Variants in CCDC6 observed in about 807,000 individuals in gnomAD.
CCDC6 encodes coiled-coil domain containing 6.
CCDC6 carries 20 observed loss-of-function variants against 56.6 expected under a neutral mutation model. The observed-to-expected ratio is 0.35, with a 90% confidence interval of 0.25 to 0.51. The LOEUF (loss-of-function observed/expected upper bound fraction) is 0.51, where lower values mean the gene tolerates loss of function less well. Among genes scored for constraint, CCDC6 ranks in the 20% least tolerant of loss-of-function variants. The pLI is 0.95. For synonymous variants in CCDC6, 241 were observed against 234.4 expected, an observed-to-expected ratio of 1.03 and a Z score of -0.26; for missense variants, 367 against 601.1, an observed-to-expected ratio of 0.61 and a Z score of 4.07.
At position 59,889,251 on chromosome 10, in the gene CCDC6, A is replaced by G. The variant is rs148897529; in HGVS notation, c.303+16871T>C. 3.0e-4 allele frequency among the ~76,000 whole-genome samples: 46 copies of G among 152,260 alleles called. 1 individual carries two copies. Among genetic ancestry groups the G allele is most frequent in the East Asian group, 2.5e-3 (13 of 5,182 alleles). ...AAATGTGCATCAGCCATAAATGACA[A>G]ATGACAACAGGGACACGTGAGAAAG... On this transcript the variant is annotated intron_variant, in intron 1 of 8. Transcript: ENST00000263102.
chr10:59,836,052 T>TTAAAAAAA (rs777308614), intron 2 of CCDC6, among the ~76,000 whole-genome samples: 1 of 57,596 alleles, frequency 1.7e-5, no homozygotes, highest in African/African-American at 6.6e-5. Context: ...CGACCCTGTC[T>TTAAAAAAA]AAAAAAAAAA....
intron 7 of CCDC6, among the ~76,000 whole-genome samples, chr10:59,797,683 T>TTGTGTGTGTGTGTGTGTGTGTGTG (rs72280811): frequency 9.4e-4 from 132 of 140,608 alleles, no homozygotes; most frequent in African/African-American, 3.0e-3. Context: ...AGTGAGAGTG[T>TTGTGTGTGTGTGTGTGTGTGTGTG]TGTGTGTGTG....
At chr10:59,875,477 G>A (rs2071270915) in intron 1 of CCDC6, among the ~76,000 whole-genome samples, 1 of 152,156 alleles carries the variant, frequency 6.6e-6, no homozygotes, top group South Asian at 2.1e-4. Context: ...GTCCAGGTGA[G>A]CTTCAAGGAC....
At chr10:59,824,303 C>CA (rs1413183098) in intron 3 of CCDC6, among the ~76,000 whole-genome samples, 1 of 152,104 alleles carries the variant, frequency 6.6e-6, no homozygotes, top group Non-Finnish European at 1.5e-5. Flanking sequence ...CATCACATCC[C>CA]AAAAAATGGA....
rs752992147 is a variant in CCDC6, at chr10:59,794,531, G to C, written c.1172C>G (p.Ser391Cys). The C allele has an allele frequency of 6.2e-7, 1 of 1,613,990 alleles. No individual in the cohort carries two copies. Among genetic ancestry groups the C allele is most frequent in the South Asian group, 1.1e-5 (1 of 91,074 alleles). The change falls in exon 8 of 9, where the codon TCT becomes TGT. Residue 391 changes from serine to cysteine, a missense_variant. Transcript: ENST00000263102. ...GTGAAGACCCGGGGAATTGTAATAA[G>C]ACATTCCAGCTCTAGTCAGTGAAGT... The part of the protein sequence containing the change: ...PPTSLTRAGM[S>C]YYNSPGLHVQ...
chr10:59,858,174 C>T lies in CCDC6; in HGVS notation c.304-5472G>A, dbSNP rs149053334. On this transcript the variant is annotated intron_variant, in intron 1 of 8. Transcript: ENST00000263102. ...GACACAGAGGACAAGCCTGCATGTGCCTTTATTTTTTCTATTAGAAGAAGC... is the reference window on the plus strand; with the variant it reads ...GACACAGAGGACAAGCCTGCATGTGTCTTTATTTTTTCTATTAGAAGAAGC... 2.5e-4 allele frequency among the ~76,000 whole-genome samples: 38 copies of T among 152,256 alleles called. No individual in the cohort carries two copies. In the East Asian group the frequency reaches 5.0e-3, roughly 20 times the overall value.
chr10:59,835,675 A>C (rs961599312), intron 2 of CCDC6, among the ~76,000 whole-genome samples: 1 of 152,234 alleles, frequency 6.6e-6, no homozygotes, highest in Admixed American at 6.5e-5. Flanking sequence ...ACCTCAGGTG[A>C]CATGCAACAG....
intron 1 of CCDC6, among the ~76,000 whole-genome samples, chr10:59,861,432 C>CAAAAAAAAA (rs55716341): frequency 7.9e-5 from 7 of 88,918 alleles, no homozygotes; most frequent in Non-Finnish European, 1.3e-4. Flanking sequence ...CAAAAATTAC[C>CAAAAAAAAA]AAAAAAAAAA....
Position 59,874,118 on chromosome 10 carries a change from AACACACAC to A in CCDC6, c.304-21424_304-21417del, listed in dbSNP as rs55812153. Among the ~76,000 whole-genome samples the A allele has an allele frequency of 5.4e-5, 8 of 148,692 alleles. No homozygotes were observed. In the East Asian group the frequency reaches 1.2e-3, roughly 22 times the overall value. On this transcript the variant is annotated intron_variant, in intron 1 of 8. Transcript: ENST00000263102. Reference sequence around the variant, plus strand: ...CATTTCCTTACACATTTACCTAGCAAACACACACACACACACACACACACACGCACACA... The same window carrying A: ...CATTTCCTTACACATTTACCTAGCAAACACACACACACACACACGCACACA...
chr10:59,795,223 G>A (rs1380425515), intron 7 of CCDC6, among the ~76,000 whole-genome samples: 2 of 152,064 alleles, frequency 1.3e-5, no homozygotes, highest in Non-Finnish European at 2.9e-5. Context: ...CTGGTATGGG[G>A]TGAATATGCG....
intron 2 of CCDC6, among the ~76,000 whole-genome samples, chr10:59,841,075 C>A (rs1369351137): frequency 1.3e-5 from 2 of 152,170 alleles, no homozygotes; most frequent in African/African-American, 4.8e-5. Context: ...CAGACAGTGG[C>A]TCCCAAACCT....
chr10:59,906,299 G>A lies in CCDC6; in HGVS notation c.126C>T (p.Gly42=), dbSNP rs1370084602. Reference sequence around the variant, plus strand: ...TGACAATGCCCCCCGACTTCCCACCGCCGCCGCCTCCCCCGCCGCCACCGC... The same window carrying A: ...TGACAATGCCCCCCGACTTCCCACCACCGCCGCCTCCCCCGCCGCCACCGC... ...GGGGGGGGGG[G]GGKSGGIVIS... The change falls in exon 1 of 9, where the codon GGC becomes GGT. Residue 42 remains glycine, a synonymous_variant. Transcript: ENST00000263102. The A allele has an allele frequency of 1.2e-6, 2 of 1,602,788 alleles. No individual in the cohort carries two copies. Among genetic ancestry groups the A allele is most frequent in the Non-Finnish European group, 1.7e-6 (2 of 1,178,776 alleles).
intron 2 of CCDC6, among the ~76,000 whole-genome samples, chr10:59,833,339 C>T (rs1190619449): frequency 6.6e-6 from 1 of 152,058 alleles, no homozygotes; most frequent in African/African-American, 2.4e-5. Flanking sequence ...ATCCCGGCTA[C>T]TTGGGAGGCT....
intron 1 of CCDC6, among the ~76,000 whole-genome samples, chr10:59,896,769 C>A (rs913610294): frequency 6.7e-6 from 1 of 150,190 alleles, no homozygotes; most frequent in Non-Finnish European, 1.5e-5. Context: ...TTGCAAAACA[C>A]TGTGAATGTA....
In CCDC6 at chr10:59,807,130, ATCT is replaced by A; in HGVS notation, c.848-55_848-53del. 5.2e-6 allele frequency: 8 copies of A among 1,551,922 alleles called. No homozygotes were observed. The Admixed American group carries it at 8.7e-5, about 17-fold the overall frequency. On this transcript the variant is annotated intron_variant, in intron 5 of 8. Transcript: ENST00000263102. ...CCATGTTTCATGCAATCATATCCAA[ATCT>A]AAAAAAAAGGAGACTTCAGTTCAGC...
chr10:59,880,644 T>C (rs751135972), intron 1 of CCDC6, among the ~76,000 whole-genome samples: 2 of 152,282 alleles, frequency 1.3e-5, no homozygotes, highest in African/African-American at 4.8e-5. Flanking sequence ...GTATAAGTTA[T>C]ACTCCAAAAA....
chr10:59,823,756 T>A (rs1171214882), intron 3 of CCDC6, among the ~76,000 whole-genome samples: 1 of 152,074 alleles, frequency 6.6e-6, no homozygotes. Flanking sequence ...GGATGATGAG[T>A]TTATTTAGCC....
At chr10:59,866,053 A>G (rs1157924565) in intron 1 of CCDC6, among the ~76,000 whole-genome samples, 4 of 151,990 alleles carry the variant, frequency 2.6e-5, no homozygotes, top group Non-Finnish European at 5.9e-5. Flanking sequence ...ATAAGTTCCC[A>G]ACCAGAACTG....
intron 7 of CCDC6, among the ~76,000 whole-genome samples, chr10:59,796,592 G>C (rs2070521393): frequency 6.6e-6 from 1 of 151,974 alleles, no homozygotes; most frequent in Non-Finnish European, 1.5e-5. Flanking sequence ...CCCACTTCTG[G>C]GTATTTATAC....
Sources: allele counts gnomAD v4.1 joint callset (sites outside exome capture counted in the v4.1 genomes callset), GRCh38; gene constraint gnomAD v4.1.1; transcripts MANE v1.5; gene names NCBI Gene and HGNC (gene_info 2026-07-23, HGNC 2026-07-21).